Variants in INPP5F observed in about 807,000 individuals in gnomAD.
INPP5F encodes the protein inositol polyphosphate-5-phosphatase F.
Under a neutral mutation model 137.2 loss-of-function variants are expected in INPP5F, and 97 were observed. The ratio of observed to expected loss-of-function variants is 0.71; its 90% CI spans 0.60 to 0.84. The LOEUF (loss-of-function observed/expected upper bound fraction) is 0.84, where lower values mean the gene tolerates loss of function less well. Ranked by LOEUF, INPP5F falls within the 40% of genes least tolerant of loss-of-function variation. INPP5F has a pLI of 0.00. For missense variants in INPP5F, 1,271 were observed against 1,371.9 expected, an observed-to-expected ratio of 0.93 and a Z score of 1.16; for synonymous variants, 504 against 476.9, an observed-to-expected ratio of 1.06 and a Z score of -0.74.
At chr10:119,770,680 T>C (rs1849308379) in intron 2 of INPP5F, among the ~76,000 whole-genome samples, 1 of 152,206 alleles carries the variant, frequency 6.6e-6, no homozygotes, top group Admixed American at 6.5e-5. Flanking sequence ...TGAGTGTTTT[T>C]GCTTGGAAAT....
In INPP5F at chr10:119,823,800, A is replaced by G. The variant is rs769979056; in HGVS notation, c.2162-15A>G. On this transcript the variant is annotated splice_polypyrimidine_tract_variant and intron_variant, in intron 18 of 19. Coordinates refer to ENST00000650623, the MANE Select transcript of INPP5F (RefSeq NM_014937.4). Reference sequence around the variant, plus strand: ...TTTATGGAGAAATTGGCAGGCAGTTATATTTGGGTTGCAGATACCCTTCAG... The same window carrying G: ...TTTATGGAGAAATTGGCAGGCAGTTGTATTTGGGTTGCAGATACCCTTCAG... 6.9e-6 allele frequency: 11 copies of G among 1,605,320 alleles called. No individual in the cohort carries two copies. The highest frequency in any genetic ancestry group is 1.3e-5 in the African/African-American group (1 of 74,676).
chr10:119,801,418 A>C (rs1443636026), intron 9 of INPP5F, among the ~76,000 whole-genome samples: 1 of 152,240 alleles, frequency 6.6e-6, no homozygotes, highest in Non-Finnish European at 1.5e-5. Context: ...CACCCAACTG[A>C]TAACAGGAGT....
At position 119,800,947 on chromosome 10, in the gene INPP5F, C is replaced by CA. The variant is rs11365692; in HGVS notation, c.1116+2358dup. On this transcript the variant is annotated intron_variant, in intron 9 of 19. Transcript: ENST00000650623. Reference sequence around the variant, plus strand: ...CAGGTGACAGAGCAACACTCTGTCTCAAAAAAAAAAAAAAAAAAAAAGTGG... The same window carrying CA: ...CAGGTGACAGAGCAACACTCTGTCTCAAAAAAAAAAAAAAAAAAAAAAGTGG... Among the ~76,000 whole-genome samples the CA allele has an allele frequency of 6.7e-3, 491 of 73,800 alleles. 6 individuals carry two copies. The highest frequency in any genetic ancestry group is 0.021 in the African/African-American group (433 of 20,880). The allele number at this position is 73,800 out of a possible 152,430, so 48.4% of individuals were successfully genotyped here.
At chr10:119,746,133 C>A (rs1848525145) in intron 1 of INPP5F, among the ~76,000 whole-genome samples, 1 of 152,136 alleles carries the variant, frequency 6.6e-6, no homozygotes, top group African/African-American at 2.4e-5. Context: ...ATTTTTGTAT[C>A]ATCTTAACGT....
intron 2 of INPP5F, among the ~76,000 whole-genome samples, chr10:119,758,929 C>T (rs939631910): frequency 2.0e-5 from 3 of 152,178 alleles, no homozygotes; most frequent in Non-Finnish European, 2.9e-5. Context: ...TGCTATGGCA[C>T]TAGTGACATG....
intron 10 of INPP5F, among the ~76,000 whole-genome samples, chr10:119,804,699 T>G (rs971542437): frequency 6.6e-5 from 10 of 151,878 alleles, no homozygotes; most frequent in African/African-American, 1.9e-4. Context: ...TAAACTTCAC[T>G]AGAGGAAAAC....
intron 6 of INPP5F, among the ~76,000 whole-genome samples, chr10:119,793,348 A>G (rs1228827055): frequency 1.3e-5 from 2 of 152,120 alleles, no homozygotes; most frequent in Admixed American, 6.6e-5. Context: ...TTACCTCACT[A>G]TTTTCAACTT....
At chr10:119,774,287 C>A (rs1381590601) in intron 2 of INPP5F, among the ~76,000 whole-genome samples, 16 of 149,358 alleles carry the variant, frequency 1.1e-4, no homozygotes, top group Non-Finnish European at 2.4e-4. Flanking sequence ...AAAAAAACTC[C>A]CTAGAAGTCC....
intron 6 of INPP5F, chr10:119,793,751 TTCTCCTG>T (rs1331951155): frequency 6.6e-6 from 1 of 152,328 alleles, no homozygotes; most frequent in Non-Finnish European, 1.5e-5. Flanking sequence ...GTTCAAGTGA[TTCTCCTG>T]TCTCAGCCTC....
rs764471423 is a variant in INPP5F, at chr10:119,805,349, T to G, written c.1242-35T>G. ...GTTTTAAAAAAATCTATGATTAAAT[T>G]AAAGATTTTTTCTTTCTTTTGGCAT... On this transcript the variant is annotated intron_variant, in intron 10 of 19. Coordinates refer to ENST00000650623, the MANE Select transcript of INPP5F (RefSeq NM_014937.4). 20 of 1,530,228 alleles carry G rather than the reference T, an allele frequency of 1.3e-5. 1 individual carries two copies. In the South Asian group the frequency reaches 2.2e-4, roughly 17 times the overall value. The allele number at this position is 1,530,228 out of a possible 1,614,324, so 94.8% of individuals were successfully genotyped here.
intron 15 of INPP5F, among the ~76,000 whole-genome samples, chr10:119,813,546 G>T (rs540445637): frequency 6.6e-6 from 1 of 152,040 alleles, no homozygotes; most frequent in East Asian, 1.9e-4. Context: ...GAACTCAAGA[G>T]CCCAGGCATT....
chr10:119,769,562 T>A (rs1849275408), intron 2 of INPP5F, among the ~76,000 whole-genome samples: 1 of 152,192 alleles, frequency 6.6e-6, no homozygotes, highest in Non-Finnish European at 1.5e-5. Context: ...GTGGACCGAG[T>A]AAAGAAGACC....
intron 6 of INPP5F, among the ~76,000 whole-genome samples, chr10:119,794,624 A>G (rs1416659236): frequency 1.3e-5 from 2 of 149,200 alleles, no homozygotes; most frequent in African/African-American, 5.0e-5. Flanking sequence ...CACCTCCCGT[A>G]CGGGGCGGCT....
chr10:119,823,083 C>G lies in INPP5F; in HGVS notation c.2045C>G (p.Thr682Ser). Residue 682 changes from threonine to serine, a missense_variant, in exon 18 of 20, where the codon ACT becomes AGT. Transcript: ENST00000650623. ...LEKIEIGPEP[T>S]LFGKPKFSCM... ...TTTGGGATTTTAGGCCCTGAACCCA[C>G]TCTTTTTGGTAAGCCAAAGTTCTCC... 1.2e-6 allele frequency: 2 copies of G among 1,613,426 alleles called. No homozygotes were observed. The highest frequency in any genetic ancestry group is 1.1e-5 in the South Asian group (1 of 90,820).
At chr10:119,786,043 GTATT>G (rs1207514911) in intron 3 of INPP5F, among the ~76,000 whole-genome samples, 1 of 152,082 alleles carries the variant, frequency 6.6e-6, no homozygotes, top group Non-Finnish European at 1.5e-5. Context: ...ATCATTTTCC[GTATT>G]TAGTTTCCAT....
chr10:119,826,219 A>G (rs923355655), intron 19 of INPP5F, among the ~76,000 whole-genome samples: 6 of 152,218 alleles, frequency 3.9e-5, no homozygotes, highest in Non-Finnish European at 7.3e-5. Context: ...GCCACTCACC[A>G]CATGTGGTTG....
chr10:119,774,185 C>T (rs1412830784), intron 2 of INPP5F, among the ~76,000 whole-genome samples: 1 of 149,486 alleles, frequency 6.7e-6, no homozygotes, highest in Non-Finnish European at 1.5e-5. Flanking sequence ...TTGCTTGAAC[C>T]CGGGAGGCAG....
At chr10:119,824,818 C>T (rs1470076927) in intron 19 of INPP5F, among the ~76,000 whole-genome samples, 1 of 152,036 alleles carries the variant, frequency 6.6e-6, no homozygotes, top group Non-Finnish European at 1.5e-5. Context: ...TCTGTAAAGC[C>T]ACTGCACCCA....
At chr10:119,824,053 T>C in intron 19 of INPP5F, 151 bp downstream of exon 19, 1 of 588,560 alleles carries the variant, frequency 1.7e-6, no homozygotes, top group Non-Finnish European at 3.0e-6. Flanking sequence ...CAGATCAAAA[T>C]ACTTTCAACA....
Sources: allele counts gnomAD v4.1 joint callset (sites outside exome capture counted in the v4.1 genomes callset), GRCh38; gene constraint gnomAD v4.1.1; transcripts MANE v1.5; gene names NCBI Gene and HGNC (gene_info 2026-07-23, HGNC 2026-07-21).